NDEL1: variants seen among roughly 807,000 people sequenced by gnomAD.
NDEL1 encodes the protein nuclear distribution protein nudE-like 1.
A neutral mutation model predicts 45.7 loss-of-function variants in NDEL1; 9 were observed. The ratio of observed to expected loss-of-function variants is 0.20; its 90% CI spans 0.12 to 0.34. NDEL1 has a LOEUF of 0.34. NDEL1 is among the 10% of genes least tolerant of loss of function. The pLI is 1.00. For synonymous variants in NDEL1, 133 were observed against 158.6 expected (o/e 0.84, Z 1.21); for missense variants, 306 against 406.2 (o/e 0.75, Z 2.12).
intron 1 of NDEL1, among the ~76,000 whole-genome samples, chr17:8,430,254 G>A (rs1435852596): frequency 6.6e-6 from 1 of 152,200 alleles, no homozygotes; most frequent in Non-Finnish European, 1.5e-5. Flanking sequence ...CAGTCAGTGG[G>A]TGTCCCTTGC....
chr17:8,450,738 C>T (rs767965994), intron 5 of NDEL1, 42 bp from the exon 6 acceptor site: 1 of 1,547,930 alleles, frequency 6.5e-7, no homozygotes, highest in Non-Finnish European at 8.7e-7. Context: ...ATATTTGCTC[C>T]CTCTAGTGAG....
intron 1 of NDEL1, among the ~76,000 whole-genome samples, chr17:8,440,851 A>G (rs908934552): frequency 6.6e-6 from 1 of 152,254 alleles, no homozygotes; most frequent in Non-Finnish European, 1.5e-5. Flanking sequence ...CTCTGATACT[A>G]TATAAATGGG....
At chr17:8,430,862 G>A (rs558742957), upstream of NDEL1, among the ~76,000 whole-genome samples, 2 of 152,194 alleles carry the variant, frequency 1.3e-5, no homozygotes, top group Admixed American at 6.5e-5. Context: ...TGGGGCAAAG[G>A]TTGCTGATGG....
Position 8,462,518 on chromosome 17 carries a change from G to C in NDEL1, c.944+2358G>C, listed in dbSNP as rs566311733. 4.8e-4 allele frequency among the ~76,000 whole-genome samples: 73 copies of C among 152,280 alleles called. 1 individual carries two copies. The South Asian group carries it at 9.7e-3, about 20-fold the overall frequency. On this transcript the variant is annotated intron_variant, in intron 8 of 8. Coordinates refer to ENST00000334527, the MANE Select transcript of NDEL1 (RefSeq NM_030808.5). ...AACCTGTTGACCAGATAAAAACCAA[G>C]ATGTTGTGTAGCAGCCGCAAAAGGA...
intron 6 of NDEL1, among the ~76,000 whole-genome samples, chr17:8,453,787 G>T (rs1910664658): frequency 6.6e-6 from 1 of 152,278 alleles, no homozygotes; most frequent in African/African-American, 2.4e-5. Context: ...AAGAACAGCT[G>T]AGAAAAATTT....
intron 7 of NDEL1, among the ~76,000 whole-genome samples, chr17:8,456,176 C>T (rs1046270599): frequency 1.3e-5 from 2 of 152,166 alleles, no homozygotes; most frequent in Non-Finnish European, 2.9e-5. Flanking sequence ...CCTATGTTTG[C>T]CTGTTTCAGC....
rs773124279 is a variant in NDEL1, at chr17:8,467,120, C to T, written c.*97C>T. On this transcript the variant is annotated 3_prime_UTR_variant, in exon 9 of 9. Coordinates refer to ENST00000334527, the MANE Select transcript of NDEL1 (RefSeq NM_030808.5). The surrounding 1 kb of genome is among the most constrained non-coding windows in gnomAD (Gnocchi z 6.3). Reference sequence around the variant, plus strand: ...GCCTGGGCCCAGCCCCGTGCCCCTCCGTCTGCCTCCGCACGGCTGGCAGAG... The same window carrying T: ...GCCTGGGCCCAGCCCCGTGCCCCTCTGTCTGCCTCCGCACGGCTGGCAGAG... The T allele has an allele frequency of 1.7e-5, 20 of 1,206,976 alleles. No individual in the cohort carries two copies. Among genetic ancestry groups the T allele is most frequent in the Middle Eastern group, 2.5e-4 (1 of 4,062 alleles). 74.8% of individuals were successfully genotyped at this position (1,206,976 alleles called of 1,614,324 possible).
intron 1 of NDEL1, among the ~76,000 whole-genome samples, chr17:8,427,428 T>C (rs943014349): frequency 4.6e-5 from 7 of 152,092 alleles, no homozygotes; most frequent in African/African-American, 1.7e-4. Context: ...AGGCTGGGCA[T>C]GGTGGCTCAT....
At chr17:8,416,103 G>T (rs1050418968) in intron 1 of NDEL1, among the ~76,000 whole-genome samples, 5 of 152,014 alleles carry the variant, frequency 3.3e-5, no homozygotes, top group Non-Finnish European at 7.4e-5. Context: ...TCACATTGTT[G>T]TGCTTACTGT....
At chr17:8,463,799 G>C (rs1255607255) in intron 8 of NDEL1, among the ~76,000 whole-genome samples, 1 of 152,214 alleles carries the variant, frequency 6.6e-6, no homozygotes, top group Admixed American at 6.5e-5. Context: ...CACGCATGGA[G>C]TCCCCAGTTA....
chr17:8,444,519 T>C (rs1443124163), intron 2 of NDEL1, 162 bp downstream of exon 2: 9 of 578,650 alleles, frequency 1.6e-5, no homozygotes, highest in Non-Finnish European at 2.2e-5. Flanking sequence ...TGTATTTAAA[T>C]AGTGTAAACA....
chr17:8,438,112 C>T (rs1023099436), intron 1 of NDEL1, among the ~76,000 whole-genome samples: 11 of 152,254 alleles, frequency 7.2e-5, no homozygotes, highest in Middle Eastern at 3.4e-3. Context: ...GTGCGCACCA[C>T]GATGCCCTGC....
chr17:8,431,777 A>T (rs551524458), upstream of NDEL1: 1 of 152,344 alleles, frequency 6.6e-6, no homozygotes, highest in South Asian at 2.1e-4. Flanking sequence ...AGTGCATACA[A>T]GAGAACTTCG....
rs1386110810 is a variant in NDEL1 at position 8,466,693 on chromosome 17, A to G, written c.945-237A>G. ...AATCAGGACTGTGGCTTCCGTGGCCAGTGTGCGGCAGTTGCCAAACAGGTC... is the reference window on the plus strand; with the variant it reads ...AATCAGGACTGTGGCTTCCGTGGCCGGTGTGCGGCAGTTGCCAAACAGGTC... On this transcript the variant is annotated intron_variant, in intron 8 of 8. Transcript: ENST00000334527. The G allele has an allele frequency of 7.4e-6, 4 of 540,830 alleles. No individual in the cohort carries two copies. In the East Asian group the frequency reaches 1.3e-4, roughly 17 times the overall value. 33.5% of individuals were successfully genotyped at this position (540,830 alleles called of 1,614,324 possible).
chr17:8,445,735 A>G lies in NDEL1; in HGVS notation c.111A>G (p.Leu37=), dbSNP rs750182227. 22 of 1,596,196 alleles carry G rather than the reference A, an allele frequency of 1.4e-5. No individual in the cohort carries two copies. The highest frequency in any genetic ancestry group is 1.7e-4 in the Middle Eastern group (1 of 6,034). The change falls in exon 3 of 9, where the codon CTA becomes CTG. Residue 37 remains leucine, a synonymous_variant. Transcript: ENST00000334527. ...KQSFQEARDE[L]VEFQEGSREL... ...GCTTCCAGGAAGCTCGGGATGAGCT[A>G]GTTGAATTCCAGGAAGGAAGCAGAG... is the stretch of plus-strand genomic sequence containing the variant.
At chr17:8,466,364 C>T (rs1005212759) in intron 8 of NDEL1, 1 of 153,020 alleles carries the variant, frequency 6.5e-6, no homozygotes, top group Non-Finnish European at 1.5e-5. Flanking sequence ...ACACACTCCC[C>T]CTCTGTCCCT....
chr17:8,470,233 GT>G (rs1352475886), downstream of NDEL1, among the ~76,000 whole-genome samples: 3 of 152,080 alleles, frequency 2.0e-5, no homozygotes, highest in African/African-American at 7.2e-5. The surrounding 1 kb of genome is among the most constrained non-coding windows in gnomAD (Gnocchi z 4.2). Flanking sequence ...CTCTGTGTGG[GT>G]TTTCTTCCTG....
chr17:8,446,647 G>A, intron 3 of NDEL1, 107 bp from the exon 4 acceptor site: 3 of 1,068,356 alleles, frequency 2.8e-6, no homozygotes, highest in South Asian at 3.3e-5. Context: ...TTACAAGAGT[G>A]TGGGTAAATT....
At chr17:8,428,328 GTGT>G (rs1567721164) in intron 1 of NDEL1, among the ~76,000 whole-genome samples, 32,647 of 130,382 alleles carry the variant, frequency 0.25, 5,188 homozygotes, top group African/African-American at 0.27. Context: ...TGTGTGGTGT[GTGT>G]GTGTGTGTGT....
Sources: gnomAD v4.1 joint callset for allele counts (sites outside exome capture counted in the v4.1 genomes callset) on GRCh38, gnomAD v4.1.1 for gene constraint, Gnocchi (gnomAD v3.1) non-coding constraint, MANE v1.5 for transcripts, NCBI Gene and HGNC (gene_info 2026-07-23, HGNC 2026-07-21) for gene names.